Variants in TLE4 observed in about 807,000 individuals in gnomAD.
TLE4 encodes TLE family member 4, transcriptional corepressor.
In TLE4, 8 loss-of-function variants were observed where a neutral mutation model predicts 92.8. That is an observed-to-expected ratio of 0.09 (90% CI 0.05 to 0.16). The LOEUF (loss-of-function observed/expected upper bound fraction) is 0.16. Ranked by LOEUF, TLE4 falls within the 10% of genes least tolerant of loss-of-function variation. The pLI is 1.00. For missense variants in TLE4, 675 were observed against 997.6 expected, an observed-to-expected ratio of 0.68 and a Z score of 4.36; for synonymous variants, 371 against 374.1, an observed-to-expected ratio of 0.99 and a Z score of 0.10.
chr9:79,618,042 C>T (rs564968834), intron 5 of TLE4, among the ~76,000 whole-genome samples: 4 of 152,154 alleles, frequency 2.6e-5, no homozygotes, highest in African/African-American at 7.2e-5. Flanking sequence ...TAAGGTTGCC[C>T]TCTTTGCAGT....
intron 5 of TLE4, among the ~76,000 whole-genome samples, chr9:79,625,436 A>C (rs1472241095): frequency 6.6e-6 from 1 of 152,202 alleles, no homozygotes. Flanking sequence ...AACACGAACA[A>C]TTTGCACATT....
chr9:79,662,472 T>A (rs1404646142), intron 8 of TLE4, among the ~76,000 whole-genome samples: 1 of 152,226 alleles, frequency 6.6e-6, no homozygotes, highest in Non-Finnish European at 1.5e-5. Context: ...TTATCTTTTT[T>A]TAAACTTCTG....
At chr9:79,724,849 T>TAAAAAAAAAAAAAAA (rs947971071) in intron 19 of TLE4, among the ~76,000 whole-genome samples, 188 bp from the exon 20 acceptor site, 3 of 25,988 alleles carry the variant, frequency 1.2e-4, no homozygotes, top group African/African-American at 4.9e-4. Flanking sequence ...CCTGTCTTAT[T>TAAAAAAAAAAAAAAA]AAAAAAAAAA....
chr9:79,585,349 T>C (rs1357520938), intron 4 of TLE4, among the ~76,000 whole-genome samples: 2 of 152,208 alleles, frequency 1.3e-5, no homozygotes, highest in Non-Finnish European at 2.9e-5. Flanking sequence ...AGATCTTGGG[T>C]TTGACTCAAG....
rs1301366788 is a variant in TLE4, at chr9:79,596,389, T to G, written c.253-16267T>G. Among the ~76,000 whole-genome samples, 4 of 152,190 alleles carry G rather than the reference T, an allele frequency of 2.6e-5. No homozygotes were observed. The East Asian group carries it at 7.7e-4, about 29-fold the overall frequency. On this transcript the variant is annotated intron_variant, in intron 4 of 19. Coordinates refer to ENST00000376552, the MANE Select transcript of TLE4 (RefSeq NM_007005.6). ...GAGATCCTTCACCAGTAGCAAAACATAAATACTGAGAATGTCTTTTCTGGG... is the reference window on the plus strand; with the variant it reads ...GAGATCCTTCACCAGTAGCAAAACAGAAATACTGAGAATGTCTTTTCTGGG...
At chr9:79,576,265 C>T (rs752289364) in intron 4 of TLE4, 88 bp downstream of exon 4, 1 of 1,033,008 alleles carries the variant, frequency 9.7e-7, no homozygotes, top group Non-Finnish European at 1.4e-6. Context: ...TTTTATTCTG[C>T]AAGCCGTTGT....
chr9:79,598,414 G>A (rs985989313), intron 4 of TLE4, among the ~76,000 whole-genome samples: 1 of 151,908 alleles, frequency 6.6e-6, no homozygotes, highest in Non-Finnish European at 1.5e-5. Flanking sequence ...TTATTTGAAC[G>A]TCAGTGTCCC....
At chr9:79,638,024 G>A (rs1420633324) in intron 6 of TLE4, among the ~76,000 whole-genome samples, 1 of 152,106 alleles carries the variant, frequency 6.6e-6, no homozygotes, top group Admixed American at 6.6e-5. Flanking sequence ...AAAAATATTT[G>A]CCCGTAGCAG....
chr9:79,687,317 T>C (rs999735746), intron 8 of TLE4, among the ~76,000 whole-genome samples: 1 of 152,214 alleles, frequency 6.6e-6, no homozygotes, highest in Non-Finnish European at 1.5e-5. Flanking sequence ...TTCTGGTGTT[T>C]CCTGGAGTTG....
rs1425745533 is a variant in TLE4 at position 79,713,196 on chromosome 9, G to C, written c.1340+3497G>C. On this transcript the variant is annotated intron_variant, in intron 14 of 19. Transcript: ENST00000376552. Reference sequence around the variant, plus strand: ...CGTGAGAGATGAGCACAGCATAACAGAACTGGGCCTCAGAGAGGAGAATGA... The same window carrying C: ...CGTGAGAGATGAGCACAGCATAACACAACTGGGCCTCAGAGAGGAGAATGA... Among the ~76,000 whole-genome samples, 8 of 152,226 alleles carry C rather than the reference G, an allele frequency of 5.3e-5. No individual in the cohort carries two copies. In the East Asian group the frequency reaches 1.3e-3, roughly 26 times the overall value.
At chr9:79,616,616 A>C (rs886885852) in intron 5 of TLE4, among the ~76,000 whole-genome samples, 2 of 152,168 alleles carry the variant, frequency 1.3e-5, no homozygotes, top group African/African-American at 2.4e-5. Context: ...CTAGCTAAAA[A>C]TCTATGTTTT....
At chr9:79,654,500 T>C (rs1450927235) in intron 8 of TLE4, among the ~76,000 whole-genome samples, 2 of 152,054 alleles carry the variant, frequency 1.3e-5, no homozygotes, top group Non-Finnish European at 2.9e-5. Context: ...GGTGCATTTT[T>C]TTTTTTTTTT....
At chr9:79,659,257 T>G (rs1461884523) in intron 8 of TLE4, among the ~76,000 whole-genome samples, 1 of 152,176 alleles carries the variant, frequency 6.6e-6, no homozygotes. Context: ...AAAGAACGCC[T>G]CATACACCCA....
At chr9:79,660,845 G>C (rs1010762892) in intron 8 of TLE4, among the ~76,000 whole-genome samples, 2 of 152,130 alleles carry the variant, frequency 1.3e-5, no homozygotes, top group African/African-American at 4.8e-5. Flanking sequence ...TGAGTGACTC[G>C]GGGAGACACG....
intron 8 of TLE4, among the ~76,000 whole-genome samples, chr9:79,659,450 A>G (rs1227268131): frequency 6.6e-6 from 1 of 151,980 alleles, no homozygotes; most frequent in Non-Finnish European, 1.5e-5. Flanking sequence ...TAGTAAAATA[A>G]TTCTTTGATA....
intron 15 of TLE4, 75 bp downstream of exon 15, chr9:79,719,046 A>G (rs1588622671): frequency 9.1e-6 from 14 of 1,543,528 alleles, no homozygotes; most frequent in Middle Eastern, 1.8e-4. Flanking sequence ...AACTGTATGT[A>G]TGAGCAACAC....
At chr9:79,717,566 A>T (rs2074773540) in intron 14 of TLE4, among the ~76,000 whole-genome samples, 1 of 152,202 alleles carries the variant, frequency 6.6e-6, no homozygotes, top group African/African-American at 2.4e-5. Context: ...TTCTGGGAGC[A>T]TTCAGGTAGT....
intron 5 of TLE4, among the ~76,000 whole-genome samples, chr9:79,624,211 T>C (rs1293630385): frequency 1.3e-5 from 2 of 151,232 alleles, no homozygotes; most frequent in African/African-American, 4.9e-5. Context: ...TGGGTCAGTT[T>C]ATGGGAGTAC....
chr9:79,625,373 G>A (rs533149401), intron 5 of TLE4, among the ~76,000 whole-genome samples: 86 of 152,224 alleles, frequency 5.6e-4, no homozygotes, highest in Non-Finnish European at 1.1e-3. Context: ...TTAAACTTGA[G>A]TTCTATGTTT....
Sources: allele counts gnomAD v4.1 joint callset (sites outside exome capture counted in the v4.1 genomes callset), GRCh38; gene constraint gnomAD v4.1.1; transcripts MANE v1.5; gene names NCBI Gene and HGNC (gene_info 2026-07-23, HGNC 2026-07-21).